COG5: variants seen among roughly 807,000 people sequenced by gnomAD.
COG5 encodes the protein component of oligomeric golgi complex 5, also known as conserved oligomeric Golgi complex subunit 5.
COG5 carries 86 observed loss-of-function variants against 110.4 expected under a neutral mutation model. That is an observed-to-expected ratio of 0.78 (90% CI 0.65 to 0.93). The LOEUF (loss-of-function observed/expected upper bound fraction) is 0.93. COG5 is among the 40% of genes least tolerant of loss of function. The pLI is 0.00. For synonymous variants in COG5, 360 were observed against 334.6 expected, an observed-to-expected ratio of 1.08 and a Z score of -0.83; for missense variants, 1,077 against 987.0, an observed-to-expected ratio of 1.09 and a Z score of -1.22.
intron 10 of COG5, among the ~76,000 whole-genome samples, chr7:107,359,295 A>T (rs1449165058): frequency 6.6e-6 from 1 of 152,230 alleles, no homozygotes; most frequent in Non-Finnish European, 1.5e-5. Context: ...CATCTCAGCC[A>T]GGTGTGTGCA....
intron 6 of COG5, among the ~76,000 whole-genome samples, chr7:107,419,498 TGGA>T (rs1793120440): frequency 6.6e-6 from 1 of 151,660 alleles, no homozygotes; most frequent in Non-Finnish European, 1.5e-5. Context: ...AAAAAGAGAA[TGGA>T]GGAGGTATAT....
At chr7:107,327,048 A>G (rs918029070) in intron 10 of COG5, among the ~76,000 whole-genome samples, 4 of 152,104 alleles carry the variant, frequency 2.6e-5, no homozygotes, top group Non-Finnish European at 4.4e-5. Context: ...GGAAAAAACC[A>G]TATTACCAAG....
Position 107,548,426 on chromosome 7 carries a change from T to C in COG5, c.293-94A>G, listed in dbSNP as rs1802633385. ...TAAAAGAAAATACATGCATATATAA[T>C]TTTAACTTTTTTTGTCACCATCCTA... On this transcript the variant is annotated intron_variant, in intron 3 of 21. Coordinates refer to ENST00000297135, the MANE Select transcript of COG5 (RefSeq NM_006348.5). 2.5e-6 allele frequency: 3 copies of C among 1,186,560 alleles called. No homozygotes were observed. In the Admixed American group the frequency reaches 5.1e-5, roughly 20 times the overall value. The allele number at this position is 1,186,560 out of a possible 1,614,324, so 73.5% of individuals were successfully genotyped here. A position where few individuals can be genotyped will look rare whatever the true frequency, so the allele number is the denominator to read the frequency against.
Position 107,438,421 on chromosome 7 carries a change from A to C in COG5, c.539-25789T>G, listed in dbSNP as rs113188477. ...TTTCTTTGTCTTGTCACTTCTCTAA[A>C]ATGTATTGTTCTTTGTCAAAACGTT... On this transcript the variant is annotated intron_variant, in intron 6 of 21. Coordinates refer to ENST00000297135, the MANE Select transcript of COG5 (RefSeq NM_006348.5). Among the ~76,000 whole-genome samples the C allele has an allele frequency of 3.4e-3, 522 of 152,308 alleles. 7 individuals carry two copies. The highest frequency in any genetic ancestry group is 0.012 in the African/African-American group (490 of 41,564).
intron 14 of COG5, among the ~76,000 whole-genome samples, chr7:107,277,726 T>C (rs1366920610): frequency 1.3e-5 from 2 of 152,158 alleles, no homozygotes; most frequent in Non-Finnish European, 2.9e-5. Context: ...TGGTAGTTAT[T>C]TTTGTGGCCC....
chr7:107,311,284 T>C (rs899723975), intron 11 of COG5, among the ~76,000 whole-genome samples: 1 of 152,036 alleles, frequency 6.6e-6, no homozygotes, highest in Non-Finnish European at 1.5e-5. Context: ...AACTTTTTGA[T>C]TTTTTGCTGA....
chr7:107,475,372 TCA>T (rs1188768405), intron 6 of COG5: 8 of 1,268,840 alleles, frequency 6.3e-6, no homozygotes, highest in Non-Finnish European at 8.7e-6. Flanking sequence ...GAGAAAAGTC[TCA>T]GTTTCACCAA....
chr7:107,394,295 TAAAAA>T (rs201411444), intron 7 of COG5, among the ~76,000 whole-genome samples: 5 of 139,846 alleles, frequency 3.6e-5, no homozygotes, highest in African/African-American at 1.3e-4. Flanking sequence ...AAAAGATACT[TAAAAA>T]AAAAAAAAAG....
intron 14 of COG5, among the ~76,000 whole-genome samples, chr7:107,265,754 G>A (rs1803745478): frequency 6.6e-6 from 1 of 152,114 alleles, no homozygotes; most frequent in Middle Eastern, 3.4e-3. Flanking sequence ...GATCCTTCAG[G>A]CTAAATATAG....
intron 6 of COG5, among the ~76,000 whole-genome samples, chr7:107,450,655 T>C (rs1287925068): frequency 1.3e-5 from 2 of 152,184 alleles, no homozygotes; most frequent in East Asian, 1.9e-4. Flanking sequence ...AGCTCCATTG[T>C]ATTGTGCAAA....
At chr7:107,505,921 G>A (rs1019694684) in intron 6 of COG5, among the ~76,000 whole-genome samples, 1 of 152,188 alleles carries the variant, frequency 6.6e-6, no homozygotes, top group Non-Finnish European at 1.5e-5. Flanking sequence ...GGAATCCAGA[G>A]ATATGGCCTG....
intron 6 of COG5, among the ~76,000 whole-genome samples, chr7:107,470,872 T>G (rs1236460621): frequency 6.6e-6 from 1 of 152,036 alleles, no homozygotes; most frequent in East Asian, 1.9e-4. Flanking sequence ...TATTACCTTT[T>G]GTATTTCAAC....
chr7:107,365,462 T>TA (rs1342877582), intron 8 of COG5, among the ~76,000 whole-genome samples: 2 of 151,896 alleles, frequency 1.3e-5, no homozygotes, highest in Non-Finnish European at 2.9e-5. Context: ...GATGACACCT[T>TA]AGATCATTAG....
At chr7:107,497,902 A>G (rs1798381145) in intron 6 of COG5, among the ~76,000 whole-genome samples, 1 of 152,182 alleles carries the variant, frequency 6.6e-6, no homozygotes, top group Non-Finnish European at 1.5e-5. Context: ...ACACAAAGCT[A>G]TAATAATTAA....
intron 11 of COG5, among the ~76,000 whole-genome samples, chr7:107,307,980 G>C (rs180970731): frequency 3.3e-5 from 5 of 152,232 alleles, no homozygotes; most frequent in Admixed American, 1.3e-4. Flanking sequence ...ACAATCAGTG[G>C]TGACATCTGC....
chr7:107,272,450 T>C (rs1456353649), intron 14 of COG5, among the ~76,000 whole-genome samples: 2 of 152,188 alleles, frequency 1.3e-5, no homozygotes, highest in Admixed American at 1.3e-4. Flanking sequence ...TCTGACCACC[T>C]TGGGCACGTG....
rs142011729 is a variant in COG5 at position 107,379,491 on chromosome 7, G to C, written c.670-6731C>G. Among the ~76,000 whole-genome samples, 185 of 151,344 alleles carry C rather than the reference G, an allele frequency of 1.2e-3. 2 individuals are homozygous for C. Among genetic ancestry groups the C allele is most frequent in the African/African-American group, 4.3e-3 (176 of 41,254 alleles). ...CACGGACTAGTAAATTGGATAAAGAGTCAAGACCCATTGGTGGGCTATACT... is the reference window on the plus strand; with the variant it reads ...CACGGACTAGTAAATTGGATAAAGACTCAAGACCCATTGGTGGGCTATACT... On this transcript the variant is annotated intron_variant, in intron 7 of 21. Transcript: ENST00000297135.
intron 12 of COG5, among the ~76,000 whole-genome samples, chr7:107,291,959 T>TTG (rs937742672): frequency 9.9e-5 from 15 of 152,222 alleles, no homozygotes; most frequent in Non-Finnish European, 2.1e-4. Context: ...AGTCACTTAC[T>TTG]TGGGGAAGAG....
intron 16 of COG5, among the ~76,000 whole-genome samples, chr7:107,254,775 A>G (rs1802760166): frequency 6.6e-6 from 1 of 152,170 alleles, no homozygotes; most frequent in African/African-American, 2.4e-5. Context: ...AGTAATTTCT[A>G]TTTTTAACTC....
Sources: gnomAD v4.1 joint callset for allele counts (sites outside exome capture counted in the v4.1 genomes callset) on GRCh38, gnomAD v4.1.1 for gene constraint, MANE v1.5 for transcripts, NCBI Gene and HGNC (gene_info 2026-07-23, HGNC 2026-07-21) for gene names.